Variants in PRKG1 observed in about 807,000 individuals in gnomAD.
PRKG1 encodes protein kinase cGMP-dependent 1.
A neutral mutation model predicts 88.1 loss-of-function variants in PRKG1; 35 were observed. That is an observed-to-expected ratio of 0.40 (90% CI 0.30 to 0.53). The LOEUF (loss-of-function observed/expected upper bound fraction) is 0.53. PRKG1 is among the 20% of genes least tolerant of loss of function. PRKG1 has a pLI of 0.59. For synonymous variants in PRKG1, 303 were observed against 292.5 expected, an observed-to-expected ratio of 1.04 and a Z score of -0.37; for missense variants, 540 against 839.8, an observed-to-expected ratio of 0.64 and a Z score of 4.41.
intron 5 of PRKG1, among the ~76,000 whole-genome samples, chr10:52,037,638 A>G (rs1006860297): frequency 6.6e-6 from 1 of 152,118 alleles, no homozygotes; most frequent in Admixed American, 6.5e-5. Flanking sequence ...AAAGTTGACT[A>G]TGCCTTTGGC....
intron 4 of PRKG1, among the ~76,000 whole-genome samples, chr10:51,865,551 T>A (rs186948129): frequency 2.3e-4 from 35 of 152,266 alleles, no homozygotes; most frequent in African/African-American, 7.7e-4. Context: ...TTCCTGAATC[T>A]GCCTTATATT....
intron 4 of PRKG1, among the ~76,000 whole-genome samples, chr10:51,835,501 A>G (rs1436060452): frequency 6.6e-6 from 1 of 152,210 alleles, no homozygotes; most frequent in Non-Finnish European, 1.5e-5. Flanking sequence ...TCTGGCACTT[A>G]GTACGCACAC....
intron 2 of PRKG1, among the ~76,000 whole-genome samples, chr10:51,280,283 C>G (rs1840256262): frequency 6.6e-6 from 1 of 152,178 alleles, no homozygotes; most frequent in Non-Finnish European, 1.5e-5. Context: ...CCTGACCTTT[C>G]TCTCTGGCTG....
intron 1 of PRKG1, among the ~76,000 whole-genome samples, chr10:51,044,593 G>C (rs1438278023): frequency 2.0e-5 from 3 of 151,948 alleles, no homozygotes; most frequent in African/African-American, 7.3e-5. Flanking sequence ...TTGGAGGAGG[G>C]AGTAGAGGGC....
At chr10:51,440,492 C>T (rs890913147) in intron 2 of PRKG1, among the ~76,000 whole-genome samples, 12 of 151,930 alleles carry the variant, frequency 7.9e-5, no homozygotes, top group African/African-American at 2.9e-4. Flanking sequence ...GGAAAAACTA[C>T]ATAAAGATTT....
chr10:51,868,853 A>G lies in PRKG1; in HGVS notation c.699-38654A>G, dbSNP rs80346472. Reference sequence around the variant, plus strand: ...AGGTGTGAATTCTGCTGAGGATATCAAGGATAAACTAGACTTTTTCTGTTA... The same window carrying G: ...AGGTGTGAATTCTGCTGAGGATATCGAGGATAAACTAGACTTTTTCTGTTA... On this transcript the variant is annotated intron_variant, in intron 4 of 17. Coordinates refer to ENST00000373980, the MANE Select transcript of PRKG1 (RefSeq NM_006258.4). 5.1e-3 allele frequency among the ~76,000 whole-genome samples: 783 copies of G among 152,334 alleles called. 6 individuals carry two copies. Among genetic ancestry groups the G allele is most frequent in the African/African-American group, 0.018 (742 of 41,574 alleles).
chr10:51,564,351 A>G (rs1226023653), intron 3 of PRKG1, among the ~76,000 whole-genome samples: 2 of 152,124 alleles, frequency 1.3e-5, no homozygotes, highest in Admixed American at 6.6e-5. Context: ...TGCTATAGAG[A>G]GAAATAAAAA....
At chr10:51,898,479 C>T (rs1841903897) in intron 4 of PRKG1, among the ~76,000 whole-genome samples, 1 of 151,952 alleles carries the variant, frequency 6.6e-6, no homozygotes, top group African/African-American at 2.4e-5. Context: ...TCATGAGTTA[C>T]TCAATAAGTT....
At chr10:51,484,279 G>A (rs755678659) in intron 3 of PRKG1, among the ~76,000 whole-genome samples, 2 of 152,016 alleles carry the variant, frequency 1.3e-5, no homozygotes, top group African/African-American at 2.4e-5. Context: ...CAGTTTCCGC[G>A]TAATAAAAGC....
chr10:52,150,338 C>T (rs1219413014), intron 8 of PRKG1, among the ~76,000 whole-genome samples: 1 of 151,744 alleles, frequency 6.6e-6, no homozygotes, highest in East Asian at 1.9e-4. Flanking sequence ...ATGTTGGAAA[C>T]AGGTTGCCTT....
intron 2 of PRKG1, among the ~76,000 whole-genome samples, chr10:51,166,924 T>G (rs941582008): frequency 6.6e-6 from 1 of 152,184 alleles, no homozygotes; most frequent in Non-Finnish European, 1.5e-5. Flanking sequence ...GAACTTCCTT[T>G]TGCAATATAT....
At chr10:51,521,523 T>G (rs745533766) in intron 3 of PRKG1, among the ~76,000 whole-genome samples, 2 of 152,194 alleles carry the variant, frequency 1.3e-5, no homozygotes, top group African/African-American at 2.4e-5. Context: ...ATACCTAGGA[T>G]TAAGCACTGA....
intron 6 of PRKG1, among the ~76,000 whole-genome samples, chr10:52,054,935 G>C (rs1226343074): frequency 6.6e-6 from 1 of 152,118 alleles, no homozygotes; most frequent in Non-Finnish European, 1.5e-5. Flanking sequence ...AGGAGTTCAA[G>C]ACCAGCTTAG....
At chr10:51,439,012 T>TAA (rs143701501) in intron 2 of PRKG1, among the ~76,000 whole-genome samples, 204 of 150,172 alleles carry the variant, frequency 1.4e-3, no homozygotes, top group East Asian at 4.1e-3. Flanking sequence ...TTTTTTTTTT[T>TAA]AAAAAAAAAG....
chr10:51,490,655 A>C (rs1840681874), intron 3 of PRKG1, among the ~76,000 whole-genome samples: 1 of 152,152 alleles, frequency 6.6e-6, no homozygotes, highest in Non-Finnish European at 1.5e-5. Context: ...ACAAGAAAGC[A>C]AAGAGAAATA....
chr10:51,297,621 A>G (rs1840754639), intron 2 of PRKG1, among the ~76,000 whole-genome samples: 1 of 152,028 alleles, frequency 6.6e-6, no homozygotes, highest in Non-Finnish European at 1.5e-5. Flanking sequence ...TAGGTGACTC[A>G]TGTGCATTTC....
chr10:51,561,045 G>A (rs1837445168), intron 3 of PRKG1, among the ~76,000 whole-genome samples: 1 of 151,686 alleles, frequency 6.6e-6, no homozygotes, highest in Non-Finnish European at 1.5e-5. Context: ...CCAGGAGTTT[G>A]AGAACAGCTT....
intron 3 of PRKG1, among the ~76,000 whole-genome samples, chr10:51,544,639 C>T (rs1033084632): frequency 8.5e-5 from 13 of 152,098 alleles, no homozygotes; most frequent in Non-Finnish European, 1.6e-4. Flanking sequence ...ACACTGTCTT[C>T]CACAATTGTT....
chr10:51,153,119 A>G (rs368320377), intron 1 of PRKG1, 45 bp from the exon 2 acceptor site: 269 of 1,579,596 alleles, frequency 1.7e-4, no homozygotes, highest in Non-Finnish European at 2.2e-4. Flanking sequence ...AAACTATGAA[A>G]GAGCTTGTCA....
Sources: gnomAD v4.1 joint callset for allele counts (sites outside exome capture counted in the v4.1 genomes callset) on GRCh38, gnomAD v4.1.1 for gene constraint, MANE v1.5 for transcripts, NCBI Gene and HGNC (gene_info 2026-07-23, HGNC 2026-07-21) for gene names.